The following TP53INP2 variants were observed in gnomAD, a reference collection of about 807,000 sequenced individuals.
TP53INP2 encodes the protein tumor protein p53-inducible nuclear protein 2.
A neutral mutation model predicts 17.1 loss-of-function variants in TP53INP2; 12 were observed. The ratio of observed to expected loss-of-function variants is 0.70; its 90% CI spans 0.45 to 1.14. The LOEUF (loss-of-function observed/expected upper bound fraction) is 1.14, where lower values mean the gene tolerates loss of function less well. Among genes scored for constraint, TP53INP2 ranks in the 50% most tolerant of loss-of-function variants. The pLI, the probability that TP53INP2 is intolerant of heterozygous loss-of-function variation, is 0.00. For missense variants in TP53INP2, 342 were observed against 330.9 expected (o/e 1.03, Z -0.26); for synonymous variants, 145 against 147.3 (o/e 0.98, Z 0.12).
chr20:34,708,712 G>GC lies in TP53INP2; in HGVS notation c.-23dup. The GC allele has an allele frequency of 1.3e-6, 2 of 1,555,880 alleles. No homozygotes were observed. The highest frequency in any genetic ancestry group is 2.4e-5 in the East Asian group (1 of 42,146). On this transcript the variant is annotated 5_prime_UTR_variant, in exon 3 of 5. Transcript: ENST00000374810. ...CCAGGTTTTTGCACTGCCATAGGGC[G>GC]CCCCCGTGAGGCGCTTCGCCCCCCA...
Position 34,708,759 on chromosome 20 carries a change from G to C in TP53INP2, c.20G>C (p.Ser7Thr), listed in dbSNP as rs965423068. 4.4e-6 allele frequency: 7 copies of C among 1,587,594 alleles called. No individual in the cohort carries two copies. The highest frequency in any genetic ancestry group is 1.3e-5 in the African/African-American group (1 of 74,662). The part of the protein sequence containing the change: MFQRLS[S>T]LFFSTPSPPE... ...CCCACCATGTTCCAGCGCCTCTCCA[G>C]CCTCTTCTTCAGCACCCCCTCGCCC... The change falls in exon 3 of 5, where the codon AGC (serine) becomes ACC (threonine). Residue 7 changes from serine to threonine, a missense_variant. By Grantham distance (58) the Ser-to-Thr change is moderately conservative. Coordinates refer to ENST00000374810, the MANE Select transcript of TP53INP2 (RefSeq NM_021202.3).
intron 2 of TP53INP2, 30 bp downstream of exon 2, chr20:34,705,504 CA>C (rs1476416616): frequency 6.6e-6 from 1 of 152,216 alleles, no homozygotes; most frequent in Admixed American, 6.5e-5. Context: ...GGGGTGTCTC[CA>C]GGGCTGATGT....
At chr20:34,706,364 T>G (rs1988007089) in intron 2 of TP53INP2, among the ~76,000 whole-genome samples, 1 of 152,182 alleles carries the variant, frequency 6.6e-6, no homozygotes, top group South Asian at 2.1e-4. Flanking sequence ...ATGGGCTGGG[T>G]GAATATGATG....
rs1988130036 is a variant in TP53INP2, at chr20:34,709,963, A to C, written c.414-95A>C. 5.7e-6 allele frequency: 7 copies of C among 1,227,616 alleles called. No homozygotes were observed. In the East Asian group the frequency reaches 2.4e-4, roughly 43 times the overall value. 76.0% of individuals were successfully genotyped at this position (1,227,616 alleles called of 1,614,324 possible). On this transcript the variant is annotated intron_variant, in intron 4 of 4. Coordinates refer to ENST00000374810, the MANE Select transcript of TP53INP2 (RefSeq NM_021202.3). The surrounding 1 kb of genome is among the most constrained non-coding windows in gnomAD (Gnocchi z 5.4). ...CGGGCACCCCAATCTGAACAGACACAGAACTGAGCCGAAGCAAGGGTGGGA... is the reference window on the plus strand; with the variant it reads ...CGGGCACCCCAATCTGAACAGACACCGAACTGAGCCGAAGCAAGGGTGGGA...
Position 34,710,208 on chromosome 20 carries a change from G to C in TP53INP2, c.564G>C (p.Ala188=). The C allele has an allele frequency of 6.8e-6, 10 of 1,471,254 alleles. No individual in the cohort carries two copies. Among genetic ancestry groups the C allele is most frequent in the Non-Finnish European group, 9.1e-6 (10 of 1,101,490 alleles). 91.1% of individuals were successfully genotyped at this position (1,471,254 alleles called of 1,614,324 possible). Residue 188 remains alanine (A), a synonymous_variant, in exon 5 of 5, where the codon GCG becomes GCC. Coordinates refer to ENST00000374810, the MANE Select transcript of TP53INP2 (RefSeq NM_021202.3). This position sits in a 1 kb window ranked among gnomAD's most constrained non-coding sequence, Gnocchi z 4.9. ...AGCGCCACGCGCTGAGCGCCAAGGC[G>C]GTGCAGCGGCAGAACCGAGCCCGCG... ...RAERHALSAK[A]VQRQNRARES...
chr20:34,711,262 G>A lies in TP53INP2; in HGVS notation c.*955G>A, dbSNP rs1298749205. ...AAGCTGGGCAAGGCCCTACCATCCT[G>A]GCCGTCTGTTCACAAGCCCAAGGTG... On this transcript the variant is annotated 3_prime_UTR_variant, in exon 5 of 5. Coordinates refer to ENST00000374810, the MANE Select transcript of TP53INP2 (RefSeq NM_021202.3). The surrounding 1 kb of genome is among the most constrained non-coding windows in gnomAD (Gnocchi z 4.1). 1 of 152,786 alleles carries A rather than the reference G, an allele frequency of 6.5e-6. No homozygotes were observed. The highest frequency in any genetic ancestry group is 2.1e-4 in the South Asian group (1 of 4,830). 9.5% of individuals were successfully genotyped at this position (152,786 alleles called of 1,614,324 possible). A position where few individuals can be genotyped will look rare whatever the true frequency, so the allele number is the denominator to read the frequency against.
Position 34,709,105 on chromosome 20 carries a change from C to T in TP53INP2, c.125-131C>T, listed in dbSNP as rs114804317. 2,896 of 1,437,518 alleles carry T rather than the reference C, an allele frequency of 2.0e-3. 65 individuals carry two copies. In the African/African-American group the frequency reaches 0.038, roughly 19 times the overall value. 89.0% of individuals were successfully genotyped at this position (1,437,518 alleles called of 1,614,324 possible). A position where few individuals can be genotyped will look rare whatever the true frequency, so the allele number is the denominator to read the frequency against. On this transcript the variant is annotated intron_variant, in intron 3 of 4. Transcript: ENST00000374810. The surrounding 1 kb of genome is among the most constrained non-coding windows in gnomAD (Gnocchi z 5.4). ...GGCCCGTGGGTGCCCCGGGGCGCTG[C>T]GGACGGGCTGCGGGTCTGACTAACG...
At position 34,710,557 on chromosome 20, in the gene TP53INP2, C is replaced by T. The variant is rs936931371; in HGVS notation, c.*250C>T. 2.7e-6 allele frequency: 1 copy of T among 365,122 alleles called. No individual in the cohort carries two copies. The highest frequency in any genetic ancestry group is 4.1e-5 in the East Asian group (1 of 24,266). 22.6% of individuals were successfully genotyped at this position (365,122 alleles called of 1,614,324 possible). On this transcript the variant is annotated 3_prime_UTR_variant, in exon 5 of 5. Coordinates refer to ENST00000374810, the MANE Select transcript of TP53INP2 (RefSeq NM_021202.3). This position sits in a 1 kb window ranked among gnomAD's most constrained non-coding sequence, Gnocchi z 4.9. ...TCATCCATGCCCCCTACTCCTGGCC[C>T]CTCCATCCTTTCTTCTCTGGTCCCC...
intron 2 of TP53INP2, among the ~76,000 whole-genome samples, 178 bp from the exon 3 acceptor site, chr20:34,708,513 T>TA (rs984762178): frequency 0.016 from 2,303 of 147,738 alleles, 49 homozygotes; most frequent in African/African-American, 0.05. Context: ...ATACAGAAGA[T>TA]AAAAAAAAAA....
chr20:34,710,605 C>G lies in TP53INP2; in HGVS notation c.*298C>G. ...CCCATCCCTGTCTCTCCCTTTCACC[C>G]TTGCCCTCCAGTCCTCTACCTCTGG... On this transcript the variant is annotated 3_prime_UTR_variant, in exon 5 of 5. Coordinates refer to ENST00000374810, the MANE Select transcript of TP53INP2 (RefSeq NM_021202.3). This position sits in a 1 kb window ranked among gnomAD's most constrained non-coding sequence, Gnocchi z 4.9. The G allele has an allele frequency of 3.4e-6, 1 of 298,094 alleles. No individual in the cohort carries two copies. Among genetic ancestry groups the G allele is most frequent in the East Asian group, 5.3e-5 (1 of 18,702 alleles). The allele number at this position is 298,094 out of a possible 1,614,324, so 18.5% of individuals were successfully genotyped here. A position where few individuals can be genotyped will look rare whatever the true frequency, so the allele number is the denominator to read the frequency against.
Position 34,711,192 on chromosome 20 carries a change from T to C in TP53INP2, c.*885T>C, listed in dbSNP as rs1988184370. On this transcript the variant is annotated 3_prime_UTR_variant, in exon 5 of 5. Transcript: ENST00000374810. The surrounding 1 kb of genome is among the most constrained non-coding windows in gnomAD (Gnocchi z 4.1). ...TGCAGGCCCTGAAATCTGAAGGGCTTAGTTAGTACCTTGCCACTCTACCCC... is the reference window on the plus strand; with the variant it reads ...TGCAGGCCCTGAAATCTGAAGGGCTCAGTTAGTACCTTGCCACTCTACCCC... The C allele has an allele frequency of 6.6e-6, 1 of 152,630 alleles. No homozygotes were observed. Among genetic ancestry groups the C allele is most frequent in the African/African-American group, 2.4e-5 (1 of 41,426 alleles). 9.5% of individuals were successfully genotyped at this position (152,630 alleles called of 1,614,324 possible). A position where few individuals can be genotyped will look rare whatever the true frequency, so the allele number is the denominator to read the frequency against.
rs1042465603 is a variant in TP53INP2 at position 34,708,955 on chromosome 20, G to T, written c.124+92G>T. 2.6e-6 allele frequency: 4 copies of T among 1,524,046 alleles called. No homozygotes were observed. In the Admixed American group the frequency reaches 7.8e-5, roughly 30 times the overall value. 94.4% of individuals were successfully genotyped at this position (1,524,046 alleles called of 1,614,324 possible). Reference sequence around the variant, plus strand: ...GGGAAGGGCGCTGCTGGGGGACGGGGGAGTCCCCCAAGCCTACTGGAGGTG... The same window carrying T: ...GGGAAGGGCGCTGCTGGGGGACGGGTGAGTCCCCCAAGCCTACTGGAGGTG... On this transcript the variant is annotated intron_variant, in intron 3 of 4. Coordinates refer to ENST00000374810, the MANE Select transcript of TP53INP2 (RefSeq NM_021202.3).
In TP53INP2 at chr20:34,710,081, A is replaced by AGCCGCGG; in HGVS notation, c.444_450dup (p.Arg151GlyfsTer105). The AGCCGCGG allele has an allele frequency of 7.8e-7, 1 of 1,276,384 alleles. No individual in the cohort carries two copies. Among genetic ancestry groups the AGCCGCGG allele is most frequent in the Non-Finnish European group, 9.8e-7 (1 of 1,015,284 alleles). The allele number at this position is 1,276,384 out of a possible 1,614,324, so 79.1% of individuals were successfully genotyped here. A position where few individuals can be genotyped will look rare whatever the true frequency, so the allele number is the denominator to read the frequency against. ...AGGGAATTGACGCCCGCCCGCCGCG[A>AGCCGCGG]GCCGCGGGCCGCGCGCCACGCCGCT... is the stretch of plus-strand genomic sequence containing the variant. On this transcript the variant is annotated frameshift_variant, in exon 5 of 5. Transcript: ENST00000374810. LOFTEE classifies it high-confidence loss of function. This position sits in a 1 kb window ranked among gnomAD's most constrained non-coding sequence, Gnocchi z 4.9.
intron 1 of TP53INP2, 23 bp downstream of exon 1, chr20:34,704,535 C>G (rs931177581): frequency 1.3e-5 from 2 of 152,144 alleles, no homozygotes; most frequent in African/African-American, 2.4e-5. Context: ...CCGGGTGGGC[C>G]TGGGGGCTCC....
Position 34,709,226 on chromosome 20 carries a change from C to T in TP53INP2, c.125-10C>T, listed in dbSNP as rs1265228095. On this transcript the variant is annotated splice_polypyrimidine_tract_variant and intron_variant, in intron 3 of 4. Transcript: ENST00000374810. The surrounding 1 kb of genome is among the most constrained non-coding windows in gnomAD (Gnocchi z 5.4). ...CCTCCTCTGCACGGCTCCCATCCCG[C>T]GCCCCGTAGACAGCTACGCGGCTCC... The T allele has an allele frequency of 6.5e-7, 1 of 1,546,308 alleles. No individual in the cohort carries two copies. Among genetic ancestry groups the T allele is most frequent in the Non-Finnish European group, 8.7e-7 (1 of 1,145,728 alleles).
Position 34,709,214 on chromosome 20 carries a change from G to A in TP53INP2, c.125-22G>A, listed in dbSNP as rs943494806. 36 of 1,536,498 alleles carry A rather than the reference G, an allele frequency of 2.3e-5. No individual in the cohort carries two copies. The highest frequency in any genetic ancestry group is 1.2e-4 in the Admixed American group (6 of 49,574). ...CCTCGCTGCTCCCCTCCTCTGCACG[G>A]CTCCCATCCCGCGCCCCGTAGACAG... On this transcript the variant is annotated intron_variant, in intron 3 of 4. Coordinates refer to ENST00000374810, the MANE Select transcript of TP53INP2 (RefSeq NM_021202.3). This position sits in a 1 kb window ranked among gnomAD's most constrained non-coding sequence, Gnocchi z 5.4.
Position 34,709,643 on chromosome 20 carries a change from G to GGC in TP53INP2, c.413+120_413+121dup. 1.4e-6 allele frequency: 2 copies of GGC among 1,439,456 alleles called. No individual in the cohort carries two copies. The highest frequency in any genetic ancestry group is 1.8e-6 in the Non-Finnish European group (2 of 1,103,070). 89.2% of individuals were successfully genotyped at this position (1,439,456 alleles called of 1,614,324 possible). Reference sequence around the variant, plus strand: ...CCCGCCCCGCGCTCGAGGGGGTAGCGGCCTTGGGAGGGTTGCCTTTGAGAC... The same window carrying GGC: ...CCCGCCCCGCGCTCGAGGGGGTAGCGGCGCCTTGGGAGGGTTGCCTTTGAGAC... On this transcript the variant is annotated intron_variant, in intron 4 of 4. Transcript: ENST00000374810. The surrounding 1 kb of genome is among the most constrained non-coding windows in gnomAD (Gnocchi z 5.4).
rs1459806611 is a variant in TP53INP2, at chr20:34,708,673, C to G, written c.-49-18C>G. 6.7e-7 allele frequency: 1 copy of G among 1,502,020 alleles called. No homozygotes were observed. Among genetic ancestry groups the G allele is most frequent in the African/African-American group, 1.4e-5 (1 of 72,394 alleles). 93.0% of individuals were successfully genotyped at this position (1,502,020 alleles called of 1,614,324 possible). ...GAACCTCAATCAGTGGTGGCTCTCA[C>G]GTCCTTCTGATTCCCAGGTTTTTGC... On this transcript the variant is annotated intron_variant, in intron 2 of 4. Coordinates refer to ENST00000374810, the MANE Select transcript of TP53INP2 (RefSeq NM_021202.3).
At position 34,709,675 on chromosome 20, in the gene TP53INP2, G is replaced by C. The variant is rs1029399374; in HGVS notation, c.413+151G>C. 67 of 1,430,460 alleles carry C rather than the reference G, an allele frequency of 4.7e-5. No homozygotes were observed. Among genetic ancestry groups the C allele is most frequent in the Non-Finnish European group, 4.6e-5 (50 of 1,096,770 alleles). 88.6% of individuals were successfully genotyped at this position (1,430,460 alleles called of 1,614,324 possible). A position where few individuals can be genotyped will look rare whatever the true frequency, so the allele number is the denominator to read the frequency against. On this transcript the variant is annotated intron_variant, in intron 4 of 4. Coordinates refer to ENST00000374810, the MANE Select transcript of TP53INP2 (RefSeq NM_021202.3). This position sits in a 1 kb window ranked among gnomAD's most constrained non-coding sequence, Gnocchi z 5.4. ...GGAGGGTTGCCTTTGAGACAAAGTGGGGGGCCGGTGGGCCTCCGGGCGAGG... is the reference window on the plus strand; with the variant it reads ...GGAGGGTTGCCTTTGAGACAAAGTGCGGGGCCGGTGGGCCTCCGGGCGAGG...
Sources: allele counts gnomAD v4.1 joint callset (sites outside exome capture counted in the v4.1 genomes callset), GRCh38; gene constraint gnomAD v4.1.1; non-coding constraint Gnocchi (gnomAD v3.1); transcripts MANE v1.5; gene names NCBI Gene and HGNC (gene_info 2026-07-23, HGNC 2026-07-21).